Variants in KIAA1217 observed in about 807,000 individuals in gnomAD.
The protein encoded by KIAA1217 is sickle tail protein homolog.
In KIAA1217, 88 loss-of-function variants were observed where a neutral mutation model predicts 163.9. That is an observed-to-expected ratio of 0.54 (90% CI 0.45 to 0.64). The LOEUF is 0.64. Ranked by LOEUF, KIAA1217 falls within the 30% of genes least tolerant of loss-of-function variation. The pLI is 0.00. For synonymous variants in KIAA1217, 903 were observed against 923.1 expected, an observed-to-expected ratio of 0.98 and a Z score of 0.39; for missense variants, 2,372 against 2,475.0, an observed-to-expected ratio of 0.96 and a Z score of 0.88.
At chr10:24,364,971 T>G (rs1029774277) in intron 2 of KIAA1217, among the ~76,000 whole-genome samples, 16 of 151,898 alleles carry the variant, frequency 1.1e-4, no homozygotes, top group African/African-American at 3.9e-4. Context: ...GCTAAATTTT[T>G]TCTTTCATCT....
intron 2 of KIAA1217, among the ~76,000 whole-genome samples, chr10:24,154,098 C>T (rs181803210): frequency 0.016 from 2,373 of 150,816 alleles, 26 homozygotes; most frequent in Middle Eastern, 0.055. Flanking sequence ...GCTGGGACTA[C>T]AGGCGCCCGC....
At chr10:24,014,942 T>A (rs1847406824) in intron 2 of KIAA1217, among the ~76,000 whole-genome samples, 2 of 151,934 alleles carry the variant, frequency 1.3e-5, no homozygotes, top group South Asian at 4.1e-4. Context: ...TAATATAATA[T>A]CTTCGATCAA....
At position 23,876,282 on chromosome 10, in the gene KIAA1217, G is replaced by A. The variant is rs537854283; in HGVS notation, c.-320-130943G>A. The stretch of plus-strand genomic sequence containing the variant: ...CCTGTAAGTGGGAGCACAACACTGG[G>A]TACTCATAGACATAAAGATGGGAAC... On this transcript the variant is annotated intron_variant, in intron 1 of 18. Transcript: ENST00000376462. Among the ~76,000 whole-genome samples, 4 of 151,712 alleles carry A rather than the reference G, an allele frequency of 2.6e-5. No homozygotes were observed. The East Asian group carries it at 7.8e-4, about 30-fold the overall frequency.
chr10:23,850,281 A>G (rs1839247256), intron 1 of KIAA1217, among the ~76,000 whole-genome samples: 1 of 152,166 alleles, frequency 6.6e-6, no homozygotes, highest in Non-Finnish European at 1.5e-5. Flanking sequence ...TTACAGGCTA[A>G]GGTAATTTTG....
chr10:24,368,121 T>C (rs2051043439), intron 2 of KIAA1217, among the ~76,000 whole-genome samples: 1 of 152,228 alleles, frequency 6.6e-6, no homozygotes, highest in Non-Finnish European at 1.5e-5. Flanking sequence ...ATGTCACACA[T>C]CATCCCAATT....
intron 1 of KIAA1217, among the ~76,000 whole-genome samples, chr10:23,955,382 C>G (rs1844516172): frequency 1.3e-5 from 2 of 152,216 alleles, no homozygotes; most frequent in Admixed American, 6.5e-5. Context: ...AAGGGGATAG[C>G]TTCCCTCCAG....
intron 1 of KIAA1217, among the ~76,000 whole-genome samples, chr10:23,723,902 C>T (rs550389428): frequency 6.6e-6 from 1 of 152,282 alleles, no homozygotes; most frequent in Admixed American, 6.5e-5. Flanking sequence ...GCTCATGGCT[C>T]TGCAGGCTGC....
chr10:24,288,258 T>A (rs2078750887), intron 2 of KIAA1217, among the ~76,000 whole-genome samples: 1 of 152,242 alleles, frequency 6.6e-6, no homozygotes, highest in Non-Finnish European at 1.5e-5. Context: ...CATTTGAAAA[T>A]GTCAAAGTAT....
At chr10:23,825,595 G>A (rs1837860886) in intron 1 of KIAA1217, among the ~76,000 whole-genome samples, 1 of 152,150 alleles carries the variant, frequency 6.6e-6, no homozygotes, top group South Asian at 2.1e-4. Flanking sequence ...AGCAGAACTG[G>A]TTATTTGATG....
At chr10:23,945,759 C>G (rs543551396) in intron 1 of KIAA1217, among the ~76,000 whole-genome samples, 1 of 151,988 alleles carries the variant, frequency 6.6e-6, no homozygotes, top group African/African-American at 2.4e-5. Flanking sequence ...TACTTCATTT[C>G]TAATAGTAGT....
chr10:24,239,669 C>G (rs567378092), intron 2 of KIAA1217, among the ~76,000 whole-genome samples: 1 of 147,048 alleles, frequency 6.8e-6, no homozygotes, highest in South Asian at 2.2e-4. Context: ...TTATTTATTC[C>G]CAGATGTGTG....
intron 1 of KIAA1217, among the ~76,000 whole-genome samples, chr10:23,935,584 C>CACTTGGAA (rs1843494007): frequency 6.6e-6 from 1 of 152,078 alleles, no homozygotes; most frequent in Non-Finnish European, 1.5e-5. Flanking sequence ...AAACATGAAA[C>CACTTGGAA]ACTTGGAAGT....
chr10:24,176,870 AC>A (rs1317177550), intron 2 of KIAA1217, among the ~76,000 whole-genome samples: 3 of 151,742 alleles, frequency 2.0e-5, no homozygotes, highest in African/African-American at 7.3e-5. Context: ...GCCCTGCCCC[AC>A]GGGGAGGCAG....
At chr10:24,142,579 G>A (rs1447962490) in intron 2 of KIAA1217, among the ~76,000 whole-genome samples, 1 of 151,998 alleles carries the variant, frequency 6.6e-6, no homozygotes, top group African/African-American at 2.4e-5. Context: ...TAACAAAACT[G>A]TACTTACACC....
chr10:24,339,631 C>T (rs1045226604), intron 2 of KIAA1217, among the ~76,000 whole-genome samples: 3 of 152,234 alleles, frequency 2.0e-5, no homozygotes, highest in African/African-American at 7.2e-5. Context: ...AATTTCACAA[C>T]TCTCTATTAG....
At chr10:24,043,745 A>G (rs529828898) in intron 2 of KIAA1217, among the ~76,000 whole-genome samples, 2 of 152,278 alleles carry the variant, frequency 1.3e-5, no homozygotes, top group South Asian at 4.1e-4. Context: ...GCATCCAAAC[A>G]TTTATACAGA....
At chr10:24,322,477 C>T (rs768940055) in intron 2 of KIAA1217, among the ~76,000 whole-genome samples, 1 of 151,936 alleles carries the variant, frequency 6.6e-6, no homozygotes, top group Non-Finnish European at 1.5e-5. Flanking sequence ...CAGGGAAGCA[C>T]CAGCAAGGAA....
In KIAA1217 at chr10:24,461,756, C is replaced by T. The variant is rs576756189; in HGVS notation, c.847-11472C>T. Among the ~76,000 whole-genome samples, 7 of 152,274 alleles carry T rather than the reference C, an allele frequency of 4.6e-5. No individual in the cohort carries two copies. The East Asian group carries it at 1.3e-3, about 29-fold the overall frequency. On this transcript the variant is annotated intron_variant, in intron 5 of 20. Transcript: ENST00000376454. ...ATACATATATACATTTTAATTCTCA[C>T]GTTGTTGTAATCATCCTAAAGTTAT...
At chr10:24,195,682 A>G (rs764407997) in intron 2 of KIAA1217, among the ~76,000 whole-genome samples, 8 of 152,182 alleles carry the variant, frequency 5.3e-5, no homozygotes, top group African/African-American at 9.7e-5. Flanking sequence ...AATTGTTTTT[A>G]ATCCGCCAGG....
Sources: allele counts gnomAD v4.1 joint callset (sites outside exome capture counted in the v4.1 genomes callset), GRCh38; gene constraint gnomAD v4.1.1; transcripts MANE v1.5; gene names NCBI Gene and HGNC (gene_info 2026-07-23, HGNC 2026-07-21).